ACTR3C: variants seen among roughly 807,000 people sequenced by gnomAD.
ACTR3C encodes actin-related protein 3C.
A neutral mutation model predicts 26.3 loss-of-function variants in ACTR3C; 18 were observed. That is an observed-to-expected ratio of 0.68 (90% CI 0.47 to 1.01). ACTR3C has a LOEUF of 1.01. Among genes scored for constraint, ACTR3C ranks in the 50% least tolerant of loss-of-function variants. ACTR3C has a pLI of 0.00. For synonymous variants in ACTR3C, 55 were observed against 94.5 expected, an observed-to-expected ratio of 0.58 and a Z score of 2.42; for missense variants, 184 against 250.7, an observed-to-expected ratio of 0.73 and a Z score of 1.80.
the ACTR3C span, among the ~76,000 whole-genome samples, chr7:149,888,004 T>TC: frequency 3.3e-5 from 5 of 151,394 alleles, no homozygotes; most frequent in African/African-American, 1.2e-4. Context: ...ATCTTTTTTT[T>TC]TCCCCCCAGT....
At chr7:149,951,818 G>A in the ACTR3C span, among the ~76,000 whole-genome samples, 1 of 149,954 alleles carries the variant, frequency 6.7e-6, no homozygotes, top group Non-Finnish European at 1.5e-5. Context: ...TGGTGTGTAG[G>A]CGCCAGGGCC....
chr7:150,252,138 G>C lies in ACTR3C; in HGVS notation c.565-3084C>G, dbSNP rs573508069. On this transcript the variant is annotated intron_variant, in intron 6 of 7. Transcript: ENST00000683684. ...TGTGTATGTGTCTGTGTGTGTGTGT[G>C]TGTGTGTGCATGTGTGTGTGTGTGT... is the stretch of plus-strand genomic sequence containing the variant. 4.6e-5 allele frequency among the ~76,000 whole-genome samples: 7 copies of C among 152,032 alleles called. No individual in the cohort carries two copies. The South Asian group carries it at 1.5e-3, about 32-fold the overall frequency.
At chr7:150,112,527 G>A in the ACTR3C span, among the ~76,000 whole-genome samples, 1 of 152,150 alleles carries the variant, frequency 6.6e-6, no homozygotes, top group African/African-American at 2.4e-5. Context: ...GACCCCCGGA[G>A]CTCCGCGGAC....
At chr7:150,076,377 C>T in the ACTR3C span, among the ~76,000 whole-genome samples, 1 of 152,156 alleles carries the variant, frequency 6.6e-6, no homozygotes, top group African/African-American at 2.4e-5. Flanking sequence ...GCTTATGATG[C>T]TCACATATAA....
the ACTR3C span, among the ~76,000 whole-genome samples, chr7:149,900,175 G>GT: frequency 6.6e-6 from 1 of 151,150 alleles, no homozygotes. Flanking sequence ...TTTTGTTTTT[G>GT]TTTTTTTGGT....
chr7:150,037,949 T>G, the ACTR3C span, among the ~76,000 whole-genome samples: 1 of 134,900 alleles, frequency 7.4e-6, no homozygotes. Context: ...GCGATGGCGG[T>G]GCAAAGAGCC....
chr7:150,160,858 A>G, the ACTR3C span, among the ~76,000 whole-genome samples: 1 of 149,524 alleles, frequency 6.7e-6, no homozygotes, highest in East Asian at 2.0e-4. Context: ...TATGATTTAT[A>G]CATTAATTAC....
chr7:150,102,132 A>T, the ACTR3C span, among the ~76,000 whole-genome samples: 3 of 151,586 alleles, frequency 2.0e-5, no homozygotes, highest in East Asian at 5.8e-4. Context: ...TGTTGCTGTC[A>T]TTCTCCCTGG....
At chr7:150,204,405 G>T in the ACTR3C span, among the ~76,000 whole-genome samples, 1 of 148,778 alleles carries the variant, frequency 6.7e-6, no homozygotes, top group Non-Finnish European at 1.5e-5. Flanking sequence ...TAGAGCCAAA[G>T]GACCAGAAGA....
chr7:150,156,126 C>A, the ACTR3C span, among the ~76,000 whole-genome samples: 1 of 151,348 alleles, frequency 6.6e-6, no homozygotes, highest in African/African-American at 2.4e-5. Flanking sequence ...CTGTTCTGGA[C>A]AATCTGCTGT....
chr7:150,035,288 G>T, the ACTR3C span, among the ~76,000 whole-genome samples: 2 of 58,334 alleles, frequency 3.4e-5, no homozygotes, highest in East Asian at 5.5e-4. Flanking sequence ...CTCGTGGAGA[G>T]TGCCTCCCCC....
At chr7:150,198,788 C>T in the ACTR3C span, among the ~76,000 whole-genome samples, 1 of 129,692 alleles carries the variant, frequency 7.7e-6, no homozygotes, top group Non-Finnish European at 1.5e-5. Flanking sequence ...CCAGCCGTGC[C>T]GTCCGGGAGG....
chr7:150,277,149 G>T (rs1398899444), intron 6 of ACTR3C, among the ~76,000 whole-genome samples: 1 of 152,010 alleles, frequency 6.6e-6, no homozygotes, highest in Non-Finnish European at 1.5e-5. Context: ...TTTTGGACTT[G>T]CCAGCCTGAA....
At chr7:150,042,912 A>C in the ACTR3C span, among the ~76,000 whole-genome samples, 10 of 150,942 alleles carry the variant, frequency 6.6e-5, no homozygotes, top group Admixed American at 1.3e-4. Flanking sequence ...TGGGGCTGCC[A>C]GAAGTTTTTC....
At chr7:150,163,882 T>G in the ACTR3C span, among the ~76,000 whole-genome samples, 1 of 152,004 alleles carries the variant, frequency 6.6e-6, no homozygotes, top group Non-Finnish European at 1.5e-5. Flanking sequence ...CTTTACTGAG[T>G]CCACGAATTC....
chr7:150,118,669 T>C, the ACTR3C span, among the ~76,000 whole-genome samples: 1 of 143,668 alleles, frequency 7.0e-6, no homozygotes, highest in Admixed American at 7.0e-5. Context: ...CTTCAGGATA[T>C]TATCCAGAAG....
At chr7:150,258,014 G>C (rs1350157351) in intron 6 of ACTR3C, among the ~76,000 whole-genome samples, 1 of 152,186 alleles carries the variant, frequency 6.6e-6, no homozygotes, top group Non-Finnish European at 1.5e-5. Flanking sequence ...TGCGACCAAG[G>C]GGGTGTGGCC....
chr7:149,942,835 T>G, the ACTR3C span, among the ~76,000 whole-genome samples: 82 of 151,322 alleles, frequency 5.4e-4, no homozygotes, highest in Non-Finnish European at 9.4e-4. Context: ...TCTGGACTTT[T>G]CCTGCTGCCT....
the ACTR3C span, among the ~76,000 whole-genome samples, chr7:150,183,934 T>G: frequency 6.7e-4 from 101 of 150,470 alleles, 1 homozygote; most frequent in South Asian, 4.4e-3. Flanking sequence ...GTGTCTGATA[T>G]TTCCCCTACT....
Sources: allele counts gnomAD v4.1 joint callset (sites outside exome capture counted in the v4.1 genomes callset), GRCh38; gene constraint gnomAD v4.1.1; transcripts MANE v1.5; gene names NCBI Gene and HGNC (gene_info 2026-07-23, HGNC 2026-07-21).